FUT8: variants seen among roughly 807,000 people sequenced by gnomAD.
The protein encoded by FUT8 is alpha-(1,6)-fucosyltransferase.
In FUT8, 29 loss-of-function variants were observed where a neutral mutation model predicts 71.3. The observed-to-expected ratio is 0.41, with a 90% CI of 0.30 to 0.55. The LOEUF (loss-of-function observed/expected upper bound fraction) is 0.55. FUT8 is among the 20% of genes least tolerant of loss of function. FUT8 has a pLI of 0.34. For synonymous variants in FUT8, 254 were observed against 239.3 expected, an observed-to-expected ratio of 1.06 and a Z score of -0.57; for missense variants, 544 against 702.1, an observed-to-expected ratio of 0.77 and a Z score of 2.55.
intron 2 of FUT8, among the ~76,000 whole-genome samples, chr14:65,505,467 C>G (rs1371055395): frequency 6.6e-6 from 1 of 151,860 alleles, no homozygotes; most frequent in Non-Finnish European, 1.5e-5. Flanking sequence ...TGCCCGCCAC[C>G]ATGCCTGGCT....
chr14:65,443,924 G>GT (rs2065700106), intron 1 of FUT8, among the ~76,000 whole-genome samples: 1 of 151,734 alleles, frequency 6.6e-6, no homozygotes, highest in South Asian at 2.1e-4. Context: ...AAGATGAGAA[G>GT]TAACTTGACA....
At chr14:65,381,860 T>C in the FUT8 span, among the ~76,000 whole-genome samples, 4 of 152,208 alleles carry the variant, frequency 2.6e-5, no homozygotes, top group Non-Finnish European at 1.5e-5. Flanking sequence ...ACACTTTCTC[T>C]CCACCTTTTT....
intron 7 of FUT8, among the ~76,000 whole-genome samples, chr14:65,714,044 G>A (rs1209848429): frequency 6.6e-6 from 1 of 152,182 alleles, no homozygotes; most frequent in Admixed American, 6.5e-5. Context: ...TTTGATTTGT[G>A]TATATGGTGA....
chr14:65,431,110 C>T (rs1023797609), intron 1 of FUT8, among the ~76,000 whole-genome samples: 24 of 151,122 alleles, frequency 1.6e-4, no homozygotes, highest in African/African-American at 5.4e-4. Flanking sequence ...ATTCTCCTGC[C>T]TCAGCCTCCG....
At chr14:65,645,535 C>G (rs188198392) in intron 6 of FUT8, among the ~76,000 whole-genome samples, 1 of 152,112 alleles carries the variant, frequency 6.6e-6, no homozygotes, top group Non-Finnish European at 1.5e-5. Flanking sequence ...ATTTGTGGTA[C>G]ATAACATTTG....
intron 7 of FUT8, among the ~76,000 whole-genome samples, chr14:65,719,374 C>G (rs1895287825): frequency 6.6e-6 from 1 of 152,110 alleles, no homozygotes; most frequent in African/African-American, 2.4e-5. Context: ...TCTTGAACTT[C>G]TTTGCATTTC....
In FUT8 at chr14:65,676,001, AAAAT is replaced by A. The variant is rs373120796; in HGVS notation, c.835+6529_835+6532del. ...GAGAGAGCAAGACTCTGTTTCAAAA[AAAAT>A]AAATAAACAAAAAATAAATGTAATA... On this transcript the variant is annotated intron_variant, in intron 7 of 10. Transcript: ENST00000673929. Among the ~76,000 whole-genome samples the A allele has an allele frequency of 4.9e-3, 751 of 152,318 alleles. 7 individuals are homozygous for A. Among genetic ancestry groups the A allele is most frequent in the African/African-American group, 0.017 (714 of 41,570 alleles).
intron 2 of FUT8, among the ~76,000 whole-genome samples, chr14:65,552,979 A>C (rs1043845218): frequency 2.0e-5 from 3 of 152,038 alleles, no homozygotes; most frequent in African/African-American, 7.2e-5. Flanking sequence ...TCCCCCAGAC[A>C]GGGTCTTGCT....
At chr14:65,707,525 T>G (rs1188379477) in intron 7 of FUT8, among the ~76,000 whole-genome samples, 1 of 152,206 alleles carries the variant, frequency 6.6e-6, no homozygotes, top group Non-Finnish European at 1.5e-5. Context: ...TTTTTGCTTT[T>G]GCTGCCTGTG....
intron 2 of FUT8, among the ~76,000 whole-genome samples, chr14:65,476,283 C>A (rs904815903): frequency 2.6e-5 from 4 of 152,164 alleles, no homozygotes; most frequent in South Asian, 2.1e-4. Context: ...AGTGTCATGT[C>A]CCCCTAAACT....
intron 3 of FUT8, among the ~76,000 whole-genome samples, chr14:65,596,602 G>A (rs1294449530): frequency 1.3e-5 from 2 of 152,114 alleles, no homozygotes; most frequent in Admixed American, 1.3e-4. Context: ...GAATAGTTAG[G>A]GGAGTTACTT....
intron 2 of FUT8, among the ~76,000 whole-genome samples, chr14:65,526,601 C>T (rs1040199435): frequency 1.1e-4 from 16 of 152,138 alleles, no homozygotes; most frequent in East Asian, 9.6e-4. Flanking sequence ...TTGATCCTGT[C>T]ATTATGATGT....
intron 3 of FUT8, among the ~76,000 whole-genome samples, chr14:65,565,114 T>C (rs1433791396): frequency 6.6e-6 from 1 of 151,856 alleles, no homozygotes; most frequent in Non-Finnish European, 1.5e-5. Flanking sequence ...TATAAAGAGA[T>C]CACATGATAA....
At chr14:65,626,764 T>G (rs1165908970) in intron 5 of FUT8, among the ~76,000 whole-genome samples, 1 of 152,234 alleles carries the variant, frequency 6.6e-6, no homozygotes, top group African/African-American at 2.4e-5. Flanking sequence ...TGCTTTATGT[T>G]TTTAGTTAAT....
chr14:65,699,781 C>A (rs1198927643), intron 7 of FUT8, among the ~76,000 whole-genome samples: 1 of 152,148 alleles, frequency 6.6e-6, no homozygotes, highest in Non-Finnish European at 1.5e-5. Context: ...AACCAGTGAA[C>A]CTTGACTAAC....
intron 1 of FUT8, among the ~76,000 whole-genome samples, chr14:65,450,318 AT>A (rs2139532260): frequency 6.6e-6 from 1 of 152,026 alleles, no homozygotes; most frequent in South Asian, 2.1e-4. Context: ...AAAGTCTAAC[AT>A]TTTTCTTTCT....
chr14:65,696,888 T>C (rs565392205), intron 7 of FUT8, among the ~76,000 whole-genome samples: 5 of 152,298 alleles, frequency 3.3e-5, no homozygotes, highest in African/African-American at 1.2e-4. Flanking sequence ...ATTTTTAGCA[T>C]TTAAAAAAAA....
chr14:65,739,433 A>C lies in FUT8; in HGVS notation c.1411-2660A>C, dbSNP rs1392582500. Among the ~76,000 whole-genome samples, 3 of 152,104 alleles carry C rather than the reference A, an allele frequency of 2.0e-5. No homozygotes were observed. The South Asian group carries it at 6.2e-4, about 31-fold the overall frequency. On this transcript the variant is annotated intron_variant, in intron 10 of 10. Coordinates refer to ENST00000673929, the MANE Select transcript of FUT8 (RefSeq NM_001371533.1). ...AAGGTTAACACATGAACAACTCTTG[A>C]TAGCAAAACATACACTAATTATTAG...
At chr14:65,506,916 T>A (rs577563312) in intron 2 of FUT8, among the ~76,000 whole-genome samples, 1 of 152,344 alleles carries the variant, frequency 6.6e-6, no homozygotes, top group Non-Finnish European at 1.5e-5. Flanking sequence ...TAAAGTACAC[T>A]GACACACAGA....
Sources: gnomAD v4.1 joint callset for allele counts (sites outside exome capture counted in the v4.1 genomes callset) on GRCh38, gnomAD v4.1.1 for gene constraint, MANE v1.5 for transcripts, NCBI Gene and HGNC (gene_info 2026-07-23, HGNC 2026-07-21) for gene names.